The following PTGIS variants were observed in gnomAD, a reference collection of about 807,000 sequenced individuals.
PTGIS encodes prostaglandin I2 synthase, also known as prostacyclin synthase.
Under a neutral mutation model 50.3 loss-of-function variants are expected in PTGIS, and 45 were observed. The ratio of observed to expected loss-of-function variants is 0.90; its 90% confidence interval spans 0.70 to 1.15. PTGIS has a LOEUF of 1.15. Ranked by LOEUF, PTGIS falls within the 50% of genes most tolerant of loss-of-function variation. The pLI is 0.00. For synonymous variants in PTGIS, 260 were observed against 267.7 expected (o/e 0.97, Z 0.28); for missense variants, 668 against 661.3 (o/e 1.01, Z -0.11).
At chr20:49,525,109 A>T (rs1448276019) in intron 5 of PTGIS, among the ~76,000 whole-genome samples, 1 of 152,140 alleles carries the variant, frequency 6.6e-6, no homozygotes, top group African/African-American at 2.4e-5. Context: ...CAACAACCTA[A>T]CTGGCAGATT....
chr20:49,512,442 T>C (rs115324007), intron 8 of PTGIS, among the ~76,000 whole-genome samples: 60 of 152,102 alleles, frequency 3.9e-4, no homozygotes, highest in African/African-American at 1.3e-3. Context: ...GATGGATAGA[T>C]GAATGGATAG....
At chr20:49,555,988 A>C (rs190561354) in intron 1 of PTGIS, among the ~76,000 whole-genome samples, 2 of 152,376 alleles carry the variant, frequency 1.3e-5, no homozygotes, top group African/African-American at 4.8e-5. Flanking sequence ...GAACTGAACT[A>C]ACAGGAGATT....
chr20:49,506,404 G>A lies in PTGIS; in HGVS notation c.*1516C>T, dbSNP rs368789937. 6.6e-6 allele frequency: 1 copy of A among 152,306 alleles called. No individual in the cohort carries two copies. Among genetic ancestry groups the A allele is most frequent in the East Asian group, 1.9e-4 (1 of 5,186 alleles). 9.4% of individuals were successfully genotyped at this position (152,306 alleles called of 1,614,324 possible). The stretch of plus-strand genomic sequence containing the variant: ...TTAATTATTTATTTATTGAGACAGA[G>A]TCTTGCTCTGTCGCCCAGGCTGGAG... On this transcript the variant is annotated 3_prime_UTR_variant, in exon 10 of 10. Coordinates refer to ENST00000244043, the MANE Select transcript of PTGIS (RefSeq NM_000961.4).
At chr20:49,520,341 T>C (rs1355631000) in intron 6 of PTGIS, among the ~76,000 whole-genome samples, 4 of 152,064 alleles carry the variant, frequency 2.6e-5, no homozygotes, top group Admixed American at 2.6e-4. Context: ...TAATACTTTT[T>C]TTTTTTTTTG....
chr20:49,517,796 C>T lies in PTGIS; in HGVS notation c.856-3401G>A, dbSNP rs566885085. Among the ~76,000 whole-genome samples, 210 of 152,298 alleles carry T rather than the reference C, an allele frequency of 1.4e-3. 2 individuals carry two copies. Among genetic ancestry groups the T allele is most frequent in the Middle Eastern group, 0.014 (4 of 294 alleles). On this transcript the variant is annotated intron_variant, in intron 6 of 9. Transcript: ENST00000244043. ...TCCGCTGCCCGCTCCTGCCTGCATC[C>T]GCTTCCTTGTCGTTGGTAACAGCAC...
Position 49,540,573 on chromosome 20 carries a change from G to A in PTGIS, c.522-852C>T, listed in dbSNP as rs1053079077. 6.6e-6 allele frequency among the ~76,000 whole-genome samples: 1 copy of A among 152,122 alleles called. No homozygotes were observed. Among genetic ancestry groups the A allele is most frequent in the Admixed American group, 6.5e-5 (1 of 15,284 alleles). On this transcript the variant is annotated intron_variant, in intron 4 of 9. Transcript: ENST00000244043. The surrounding 1 kb of genome is among the most constrained non-coding windows in gnomAD (Gnocchi z 4.8). ...TGATCTGAGGGGCTCTGGGAGGCCC[G>A]AGAAGGAGGTCAGGGCCTGGTCAAG... is the stretch of plus-strand genomic sequence containing the variant.
intron 6 of PTGIS, among the ~76,000 whole-genome samples, chr20:49,515,523 T>C (rs1981452486): frequency 6.6e-6 from 1 of 152,236 alleles, no homozygotes; most frequent in Non-Finnish European, 1.5e-5. Flanking sequence ...TCAATCATAA[T>C]AATGGAATAT....
chr20:49,558,942 A>G (rs1291039340), intron 1 of PTGIS, among the ~76,000 whole-genome samples: 1 of 152,062 alleles, frequency 6.6e-6, no homozygotes, highest in Non-Finnish European at 1.5e-5. Context: ...CGAACTCCTG[A>G]TCTCAGGTGA....
At chr20:49,546,423 C>T (rs574150835) in intron 3 of PTGIS, among the ~76,000 whole-genome samples, 2 of 152,350 alleles carry the variant, frequency 1.3e-5, no homozygotes, top group South Asian at 4.1e-4. Context: ...GTCTCATCAA[C>T]ATCCACTTCA....
intron 1 of PTGIS, among the ~76,000 whole-genome samples, chr20:49,556,139 T>C (rs75964699): frequency 0.014 from 2,175 of 152,312 alleles, 84 homozygotes; most frequent in Admixed American, 0.084. Flanking sequence ...ATGAGAAAAA[T>C]TTAAAACAGA....
At chr20:49,567,785 C>A (rs1160701622) in intron 1 of PTGIS, among the ~76,000 whole-genome samples, 1 of 152,200 alleles carries the variant, frequency 6.6e-6, no homozygotes, top group East Asian at 1.9e-4. Context: ...GGACTTGTCG[C>A]GGTGGGCGAT....
At chr20:49,508,106 G>A (rs1981204953) in intron 9 of PTGIS, 42 bp from the exon 10 acceptor site, 1 of 1,610,296 alleles carries the variant, frequency 6.2e-7, no homozygotes, top group Admixed American at 1.7e-5. Flanking sequence ...AGAGGAGTAG[G>A]GCAGGGGGTT....
intron 8 of PTGIS, among the ~76,000 whole-genome samples, chr20:49,512,329 A>C (rs1758516426): frequency 6.6e-6 from 1 of 151,122 alleles, no homozygotes; most frequent in Non-Finnish European, 1.5e-5. Context: ...AGATGAGTGG[A>C]TGGATGGATA....
At chr20:49,550,525 T>C (rs1982479156) in intron 1 of PTGIS, among the ~76,000 whole-genome samples, 1 of 152,240 alleles carries the variant, frequency 6.6e-6, no homozygotes, top group South Asian at 2.1e-4. Context: ...CTAAATTGAT[T>C]GAGACCTAGC....
intron 5 of PTGIS, among the ~76,000 whole-genome samples, chr20:49,534,955 G>A (rs143334654): frequency 2.8e-4 from 43 of 152,212 alleles, no homozygotes; most frequent in African/African-American, 8.9e-4. Context: ...GCAGTGAGCC[G>A]AGGTCTCGCT....
chr20:49,536,034 T>G (rs1568677575), intron 5 of PTGIS, among the ~76,000 whole-genome samples: 1 of 152,238 alleles, frequency 6.6e-6, no homozygotes, highest in Non-Finnish European at 1.5e-5. Flanking sequence ...GATGTTTATA[T>G]CAACAGAGAA....
intron 1 of PTGIS, among the ~76,000 whole-genome samples, chr20:49,558,969 T>A (rs1982692938): frequency 6.6e-6 from 1 of 152,094 alleles, no homozygotes; most frequent in Non-Finnish European, 1.5e-5. Context: ...TGCCTCCGCT[T>A]CACCAAGTGC....
At chr20:49,545,849 TAGGATGG>T (rs561911242) in intron 3 of PTGIS, among the ~76,000 whole-genome samples, 1 of 3,520 alleles carries the variant, frequency 2.8e-4, no homozygotes, top group South Asian at 0.01. Context: ...GTTTGGGAAG[TAGGATGG>T]ACTGCTGTTT....
chr20:49,512,988 C>T (rs1981363491), intron 8 of PTGIS, 92 bp downstream of exon 8: 4 of 1,487,886 alleles, frequency 2.7e-6, no homozygotes, highest in Non-Finnish European at 3.7e-6. Flanking sequence ...AAACAAAGAG[C>T]AGAGCCAGGC....
Sources: allele counts gnomAD v4.1 joint callset (sites outside exome capture counted in the v4.1 genomes callset), GRCh38; gene constraint gnomAD v4.1.1; non-coding constraint Gnocchi (gnomAD v3.1); transcripts MANE v1.5; gene names NCBI Gene and HGNC (gene_info 2026-07-23, HGNC 2026-07-21).